TEX9: variants seen among roughly 807,000 people sequenced by gnomAD.
TEX9 encodes testis-expressed protein 9.
TEX9 carries 74 observed loss-of-function variants against 59.6 expected under a neutral mutation model. That is an observed-to-expected ratio of 1.24 (90% CI 1.03 to 1.51). TEX9 has a LOEUF of 1.51. Ranked by LOEUF, TEX9 falls within the 40% of genes most tolerant of loss-of-function variation. The pLI, the probability that TEX9 is intolerant of heterozygous loss-of-function variation, is 0.00. For synonymous variants in TEX9, 186 were observed against 152.2 expected, an observed-to-expected ratio of 1.22 and a Z score of -1.64; for missense variants, 522 against 447.8, an observed-to-expected ratio of 1.17 and a Z score of -1.49.
intron 10 of TEX9, among the ~76,000 whole-genome samples, chr15:56,418,538 C>G (rs1464422890): frequency 1.3e-5 from 2 of 150,774 alleles, no homozygotes; most frequent in Admixed American, 6.6e-5. Flanking sequence ...GTAGTCCCAG[C>G]TACTTGGGAG....
At chr15:56,405,310 GAAAAAAAAA>G (rs1221876149) in intron 9 of TEX9, among the ~76,000 whole-genome samples, 32 of 95,980 alleles carry the variant, frequency 3.3e-4, no homozygotes, top group African/African-American at 1.2e-3. Context: ...CCGTCTCAAA[GAAAAAAAAA>G]AAAAAAAAAG....
At chr15:56,286,339 A>G (rs2044952280) in intron 1 of TEX9, among the ~76,000 whole-genome samples, 1 of 152,172 alleles carries the variant, frequency 6.6e-6, no homozygotes, top group Admixed American at 6.5e-5. Flanking sequence ...CTAAAATAAC[A>G]GCTTCTTAGA....
At chr15:56,294,269 T>A (rs2045167083) in intron 1 of TEX9, among the ~76,000 whole-genome samples, 2 of 152,242 alleles carry the variant, frequency 1.3e-5, no homozygotes, top group South Asian at 4.1e-4. Flanking sequence ...AAAAGTCTGC[T>A]TGTCCATTCA....
intron 5 of TEX9, 40 bp from the exon 6 acceptor site, chr15:56,389,277 TA>T (rs1484572273): frequency 6.7e-7 from 1 of 1,498,078 alleles, no homozygotes; most frequent in Non-Finnish European, 9.3e-7. Flanking sequence ...GGCAAATGAT[TA>T]GACTCTAATT....
At chr15:56,406,982 C>G (rs1167554301) in intron 9 of TEX9, among the ~76,000 whole-genome samples, 1 of 151,928 alleles carries the variant, frequency 6.6e-6, no homozygotes, top group Non-Finnish European at 1.5e-5. Context: ...ATATTACTTT[C>G]TTGTGGTTGG....
chr15:56,335,161 A>G (rs1369381273), intron 1 of TEX9, among the ~76,000 whole-genome samples: 1 of 152,176 alleles, frequency 6.6e-6, no homozygotes, highest in African/African-American at 2.4e-5. Flanking sequence ...ATAGAGCCAA[A>G]AGAAAGGAAA....
intron 12 of TEX9, chr15:56,431,242 A>G (rs2050585434): frequency 1.0e-6 from 1 of 985,530 alleles, no homozygotes; most frequent in Non-Finnish European, 1.5e-6. Flanking sequence ...GTGCCTGGAC[A>G]GGAGGATCCC....
chr15:56,347,991 G>C (rs73413935), intron 1 of TEX9, among the ~76,000 whole-genome samples: 4,386 of 152,080 alleles, frequency 0.029, 201 homozygotes, highest in African/African-American at 0.1. Flanking sequence ...GAGGATGTTA[G>C]AAAAGTGCAT....
intron 1 of TEX9, among the ~76,000 whole-genome samples, chr15:56,344,168 A>G (rs1432977665): frequency 1.3e-5 from 2 of 152,336 alleles, no homozygotes; most frequent in East Asian, 1.9e-4. Context: ...GCTCCTAGGT[A>G]TATATCCAAG....
chr15:56,256,322 C>A (rs1170093674), intron 1 of TEX9, among the ~76,000 whole-genome samples: 1 of 151,932 alleles, frequency 6.6e-6, no homozygotes, highest in Non-Finnish European at 1.5e-5. Flanking sequence ...GGATATGAAC[C>A]TAGATAGCAT....
rs1290706478 is a variant in TEX9, at chr15:56,311,462, AG to A, written c.-106-61977del. Among the ~76,000 whole-genome samples the A allele has an allele frequency of 3.4e-4, 43 of 125,388 alleles. No individual in the cohort carries two copies. The East Asian group carries it at 8.8e-3, about 26-fold the overall frequency. The allele number at this position is 125,388 out of a possible 152,430, so 82.3% of individuals were successfully genotyped here. On this transcript the variant is annotated intron_variant, in intron 1 of 5. Transcript: ENST00000560827. The stretch of plus-strand genomic sequence containing the variant: ...TCCAGTTTCATCCATGTCCCTACAA[AG>A]GACATGAACTCATCATTTTTTATGG...
intron 6 of TEX9, among the ~76,000 whole-genome samples, chr15:56,390,082 C>CTT (rs531765371): frequency 2.8e-5 from 4 of 145,344 alleles, no homozygotes; most frequent in African/African-American, 5.0e-5. Flanking sequence ...GTTTAAATAA[C>CTT]TTTTTTTTTT....
chr15:56,282,857 C>A (rs1430820374), intron 1 of TEX9, among the ~76,000 whole-genome samples: 2 of 151,864 alleles, frequency 1.3e-5, no homozygotes, highest in African/African-American at 4.8e-5. Flanking sequence ...CAATTCCAGA[C>A]AAAACTTTGG....
intron 1 of TEX9, among the ~76,000 whole-genome samples, chr15:56,301,347 T>C (rs2045356375): frequency 2.0e-5 from 3 of 151,818 alleles, no homozygotes; most frequent in Admixed American, 6.6e-5. Context: ...GAAAATAGGC[T>C]CAAAAGGGCA....
intron 1 of TEX9, among the ~76,000 whole-genome samples, chr15:56,289,529 C>T (rs1029917759): frequency 6.6e-6 from 1 of 152,192 alleles, no homozygotes; most frequent in Admixed American, 6.5e-5. Flanking sequence ...AGGAATCCTT[C>T]GCAGCTAACA....
chr15:56,253,808 T>C (rs879907786), intron 1 of TEX9, among the ~76,000 whole-genome samples: 2 of 151,892 alleles, frequency 1.3e-5, no homozygotes, highest in Non-Finnish European at 2.9e-5. Flanking sequence ...TCACAATCAG[T>C]GTCTCCCACT....
At chr15:56,267,095 C>A (rs1299631211) in intron 1 of TEX9, among the ~76,000 whole-genome samples, 1 of 152,130 alleles carries the variant, frequency 6.6e-6, no homozygotes, top group Non-Finnish European at 1.5e-5. Context: ...AGGATTTTTT[C>A]ATGTGTCTGT....
intron 1 of TEX9, among the ~76,000 whole-genome samples, chr15:56,332,292 A>AG (rs2046164380): frequency 1.3e-5 from 2 of 151,716 alleles, no homozygotes; most frequent in African/African-American, 4.8e-5. Flanking sequence ...ATGCAGCCAT[A>AG]AAAATGATGA....
downstream of TEX9, among the ~76,000 whole-genome samples, chr15:56,446,333 C>G (rs149696936): frequency 1.8e-3 from 272 of 152,050 alleles, 2 homozygotes; most frequent in African/African-American, 6.1e-3. Flanking sequence ...AGTGAGTATG[C>G]CTGAGATTCC....
Sources: gnomAD v4.1 joint callset for allele counts (sites outside exome capture counted in the v4.1 genomes callset) on GRCh38, gnomAD v4.1.1 for gene constraint, MANE v1.5 for transcripts, NCBI Gene and HGNC (gene_info 2026-07-23, HGNC 2026-07-21) for gene names.